The following FHIT variants were observed in gnomAD, a reference collection of about 807,000 sequenced individuals.
The protein encoded by FHIT is fragile histidine triad diadenosine triphosphatase, also known as bis(5'-adenosyl)-triphosphatase.
FHIT carries 19 observed loss-of-function variants against 17.9 expected under a neutral mutation model. The observed-to-expected ratio is 1.06, with a 90% CI of 0.74 to 1.56. The LOEUF is 1.56. Ranked by LOEUF, FHIT falls within the 40% of genes most tolerant of loss-of-function variation. FHIT has a pLI of 0.00. For synonymous variants in FHIT, 81 were observed against 69.7 expected (o/e 1.16, Z -0.81); for missense variants, 248 against 189.2 (o/e 1.31, Z -1.82).
chr3:60,111,407 G>C (rs1250440842), intron 5 of FHIT, among the ~76,000 whole-genome samples: 2 of 152,232 alleles, frequency 1.3e-5, no homozygotes, highest in East Asian at 3.9e-4. Flanking sequence ...AACAACAAAA[G>C]TTGGTAGTGA....
intron 8 of FHIT, among the ~76,000 whole-genome samples, chr3:59,804,441 A>G (rs605545): frequency 0.82 from 124,896 of 152,114 alleles, 51,745 homozygotes; most frequent in Middle Eastern, 0.95. Context: ...GAACTGGACA[A>G]AATGCGCAAA....
chr3:60,045,178 A>C (rs1412356418), intron 5 of FHIT, among the ~76,000 whole-genome samples: 1 of 152,212 alleles, frequency 6.6e-6, no homozygotes. Flanking sequence ...AGAACTGTAC[A>C]CTTAAAATGG....
intron 4 of FHIT, among the ~76,000 whole-genome samples, chr3:60,732,931 C>T (rs2042063286): frequency 6.6e-6 from 1 of 152,070 alleles, no homozygotes; most frequent in Non-Finnish European, 1.5e-5. Flanking sequence ...GGTGATCGGC[C>T]CACCTCGGCA....
chr3:61,097,795 G>A (rs2106836615), intron 2 of FHIT, among the ~76,000 whole-genome samples: 1 of 151,904 alleles, frequency 6.6e-6, no homozygotes, highest in East Asian at 1.9e-4. Flanking sequence ...CTTTTTAATG[G>A]GGTTGTTTTT....
At chr3:60,595,627 ATGTG>A (rs57734772) in intron 4 of FHIT, among the ~76,000 whole-genome samples, 1 of 150,280 alleles carries the variant, frequency 6.7e-6, no homozygotes, top group Non-Finnish European at 1.5e-5. Flanking sequence ...GTATGTATAT[ATGTG>A]TGTGTGTGTG....
At chr3:60,200,493 G>C (rs1559721716) in intron 5 of FHIT, among the ~76,000 whole-genome samples, 1 of 152,174 alleles carries the variant, frequency 6.6e-6, no homozygotes, top group African/African-American at 2.4e-5. Context: ...TACTTTTAGA[G>C]AATGTAATTT....
chr3:60,451,547 G>T (rs78590830), intron 5 of FHIT, among the ~76,000 whole-genome samples: 275 of 152,246 alleles, frequency 1.8e-3, no homozygotes, highest in African/African-American at 6.2e-3. Context: ...TCCAGAAGTT[G>T]TATGAATGCA....
intron 1 of FHIT, among the ~76,000 whole-genome samples, chr3:61,237,449 C>T (rs1277106870): frequency 6.6e-6 from 1 of 152,140 alleles, no homozygotes; most frequent in Non-Finnish European, 1.5e-5. Flanking sequence ...GGTTGTTGTT[C>T]ATCAACATTT....
intron 8 of FHIT, among the ~76,000 whole-genome samples, chr3:59,876,066 T>C (rs1309519288): frequency 6.6e-6 from 1 of 152,048 alleles, no homozygotes. Flanking sequence ...CAAATATACA[T>C]AGGTCTATTA....
At chr3:61,220,520 G>A (rs917039394) in intron 1 of FHIT, among the ~76,000 whole-genome samples, 3 of 152,164 alleles carry the variant, frequency 2.0e-5, no homozygotes, top group Non-Finnish European at 4.4e-5. Flanking sequence ...TACATTTAGA[G>A]TCCAGGGAGG....
intron 3 of FHIT, among the ~76,000 whole-genome samples, chr3:60,936,095 A>G (rs376591588): frequency 1.3e-5 from 2 of 152,218 alleles, no homozygotes; most frequent in African/African-American, 4.8e-5. Flanking sequence ...CCTCCTGATT[A>G]ATAGTCAGGG....
intron 3 of FHIT, among the ~76,000 whole-genome samples, chr3:60,930,667 A>T (rs1435200138): frequency 2.6e-5 from 4 of 152,206 alleles, no homozygotes; most frequent in Non-Finnish European, 5.9e-5. Context: ...ACAATGAGAT[A>T]CCATCTCACA....
intron 2 of FHIT, among the ~76,000 whole-genome samples, chr3:61,189,879 A>C (rs1294615383): frequency 6.6e-6 from 1 of 152,226 alleles, no homozygotes; most frequent in Admixed American, 6.5e-5. Context: ...CTGGCTAGCC[A>C]TATGTAGAAA....
At chr3:61,149,698 T>C (rs573077587) in intron 2 of FHIT, among the ~76,000 whole-genome samples, 29 of 151,834 alleles carry the variant, frequency 1.9e-4, no homozygotes, top group Non-Finnish European at 2.9e-4. Context: ...AGCAACATAG[T>C]GAGATCCAGT....
intron 4 of FHIT, among the ~76,000 whole-genome samples, chr3:60,540,626 G>A (rs1174711686): frequency 3.3e-5 from 5 of 152,126 alleles, no homozygotes; most frequent in Non-Finnish European, 5.9e-5. Context: ...TGTTGTTGCT[G>A]GTGTGAAAGC....
intron 5 of FHIT, among the ~76,000 whole-genome samples, chr3:60,421,816 A>T (rs1162219651): frequency 6.6e-6 from 1 of 152,156 alleles, no homozygotes; most frequent in African/African-American, 2.4e-5. Flanking sequence ...GAATTGGGAA[A>T]ATACAGCTTT....
At chr3:60,399,340 T>A (rs1466322762) in intron 5 of FHIT, among the ~76,000 whole-genome samples, 8 of 152,164 alleles carry the variant, frequency 5.3e-5, no homozygotes, top group African/African-American at 7.2e-5. Context: ...TAGTATCTTC[T>A]CACAGTGTGT....
chr3:60,450,035 AGAAAAT>A (rs2031626654), intron 5 of FHIT, among the ~76,000 whole-genome samples: 1 of 150,508 alleles, frequency 6.6e-6, no homozygotes, highest in Non-Finnish European at 1.5e-5. Context: ...CATAAAAGGT[AGAAAAT>A]GAAAATGGTA....
At chr3:60,400,944 T>C (rs1200570458) in intron 5 of FHIT, among the ~76,000 whole-genome samples, 1 of 152,124 alleles carries the variant, frequency 6.6e-6, no homozygotes, top group East Asian at 1.9e-4. Context: ...TTAGACAACC[T>C]GAAAATGTTA....
Sources: gnomAD v4.1 joint callset for allele counts (sites outside exome capture counted in the v4.1 genomes callset) on GRCh38, gnomAD v4.1.1 for gene constraint, MANE v1.5 for transcripts, NCBI Gene and HGNC (gene_info 2026-07-23, HGNC 2026-07-21) for gene names.